Variants in TSNARE1 observed in about 807,000 individuals in gnomAD.
The protein encoded by TSNARE1 is t-SNARE domain-containing protein 1.
In TSNARE1, 49 loss-of-function variants were observed where a neutral mutation model predicts 62.0. The observed-to-expected ratio is 0.79, with a 90% CI of 0.63 to 1.00. The LOEUF is 1.00. Among genes scored for constraint, TSNARE1 ranks in the 50% least tolerant of loss-of-function variants. TSNARE1 has a pLI of 0.00. For synonymous variants in TSNARE1, 328 were observed against 294.4 expected (o/e 1.11, Z -1.17); for missense variants, 755 against 700.1 (o/e 1.08, Z -0.88).
intron 1 of TSNARE1, among the ~76,000 whole-genome samples, chr8:142,385,119 G>C (rs1485010345): frequency 1.3e-5 from 2 of 152,112 alleles, no homozygotes; most frequent in African/African-American, 4.8e-5. Flanking sequence ...GAGGGAGGGA[G>C]GGAGGAAGGC....
At position 142,325,442 on chromosome 8, in the gene TSNARE1, G is replaced by A. The variant is rs559090988; in HGVS notation, c.893+5459C>T. On this transcript the variant is annotated intron_variant, in intron 6 of 13. Transcript: ENST00000524325. ...GCAAGACTAGGGGTGGGGAGGCCAAGAGGAGACAGTGCAGGAGCCCAGGGG... is the reference window on the plus strand; with the variant it reads ...GCAAGACTAGGGGTGGGGAGGCCAAAAGGAGACAGTGCAGGAGCCCAGGGG... 2.5e-4 allele frequency among the ~76,000 whole-genome samples: 38 copies of A among 152,346 alleles called. No individual in the cohort carries two copies. The South Asian group carries it at 6.4e-3, about 26-fold the overall frequency.
At chr8:142,233,867 C>CT (rs1490436967) in intron 12 of TSNARE1, among the ~76,000 whole-genome samples, 53 of 152,298 alleles carry the variant, frequency 3.5e-4, no homozygotes, top group African/African-American at 1.3e-3. Flanking sequence ...AGAGCCTTGG[C>CT]TTCCGCCTGT....
At chr8:142,314,256 G>T in intron 9 of TSNARE1, 128 bp downstream of exon 9, 2 of 786,742 alleles carry the variant, frequency 2.5e-6, no homozygotes, top group Non-Finnish European at 4.1e-6. Flanking sequence ...TCAAGGCTGT[G>T]CCTCAGGGCG....
intron 12 of TSNARE1, among the ~76,000 whole-genome samples, chr8:142,268,134 C>A (rs191072805): frequency 2.0e-5 from 3 of 152,336 alleles, no homozygotes; most frequent in East Asian, 3.9e-4. Flanking sequence ...ATGGCCTCTG[C>A]CCTCCCTGCG....
At chr8:142,305,135 T>C (rs937053456) in intron 9 of TSNARE1, among the ~76,000 whole-genome samples, 2 of 152,120 alleles carry the variant, frequency 1.3e-5, no homozygotes, top group Non-Finnish European at 2.9e-5. Flanking sequence ...GGGCAGCTAA[T>C]GCGGGCGAGT....
In TSNARE1 at chr8:142,391,019, A is replaced by G. The variant is rs1419609189; in HGVS notation, c.-40+12085T>C. On this transcript the variant is annotated intron_variant, in intron 1 of 13. Transcript: ENST00000524325. The stretch of plus-strand genomic sequence containing the variant: ...GCTGTACACTGCGGGGGACTCTGTA[A>G]CAGACGCTGTACACTGCGGGGGACT... 2.0e-3 allele frequency among the ~76,000 whole-genome samples: 292 copies of G among 142,656 alleles called. 6 individuals are homozygous for G. The highest frequency in any genetic ancestry group is 7.0e-3 in the African/African-American group (266 of 37,854). 93.6% of individuals were successfully genotyped at this position (142,656 alleles called of 152,430 possible).
chr8:142,277,599 A>C (rs182588745), intron 11 of TSNARE1: 1 of 985,164 alleles, frequency 1.0e-6, no homozygotes, highest in East Asian at 1.1e-4. Flanking sequence ...CGCCCACAAG[A>C]GGAAGTCTGG....
chr8:142,312,242 A>G (rs1827719519), intron 9 of TSNARE1, among the ~76,000 whole-genome samples: 2 of 152,220 alleles, frequency 1.3e-5, no homozygotes, highest in African/African-American at 2.4e-5. Context: ...TGCTCAACCT[A>G]TAAGCTGAGT....
chr8:142,275,187 C>T (rs956824991), intron 11 of TSNARE1: 2 of 985,280 alleles, frequency 2.0e-6, no homozygotes, highest in African/African-American at 3.5e-5. Flanking sequence ...AAGTCCTGCT[C>T]TGTCATGACC....
intron 13 of TSNARE1, among the ~76,000 whole-genome samples, chr8:142,223,161 C>CTCGTTCAT (rs1563756866): frequency 1.5e-4 from 3 of 19,646 alleles, no homozygotes; most frequent in South Asian, 1.4e-3. Context: ...CACTCATTCA[C>CTCGTTCAT]TCACTCACTC....
intron 13 of TSNARE1, among the ~76,000 whole-genome samples, chr8:142,216,800 T>G (rs945798856): frequency 1.3e-5 from 2 of 152,180 alleles, no homozygotes; most frequent in South Asian, 4.1e-4. Flanking sequence ...TGCCTGGTTG[T>G]TTATCCTCCT....
intron 6 of TSNARE1, among the ~76,000 whole-genome samples, chr8:142,324,303 G>A (rs887827367): frequency 8.5e-5 from 13 of 152,196 alleles, no homozygotes; most frequent in South Asian, 2.1e-4. Context: ...CCAGGCAGGC[G>A]GCTACAGGGT....
chr8:142,317,021 G>A (rs185339440), intron 7 of TSNARE1, among the ~76,000 whole-genome samples: 6 of 152,060 alleles, frequency 3.9e-5, no homozygotes, highest in East Asian at 1.9e-4. Flanking sequence ...TTGGCGTCTC[G>A]CTCACACTGT....
chr8:142,286,206 T>C (rs1355483786), intron 10 of TSNARE1, among the ~76,000 whole-genome samples: 1 of 152,108 alleles, frequency 6.6e-6, no homozygotes, highest in Non-Finnish European at 1.5e-5. Context: ...GCCTGGCACA[T>C]GGCTGGGTTC....
chr8:142,271,416 G>A (rs931522819), intron 12 of TSNARE1: 4 of 1,247,308 alleles, frequency 3.2e-6, no homozygotes, highest in African/African-American at 3.1e-5. Context: ...GAGTCCAGCA[G>A]CTGCTGCTCA....
intron 12 of TSNARE1, chr8:142,270,305 G>A (rs1205320546): frequency 1.2e-5 from 12 of 985,414 alleles, no homozygotes; most frequent in Non-Finnish European, 1.4e-5. Flanking sequence ...CAGGGAGGCT[G>A]AAAGCAGCGG....
In TSNARE1 at chr8:142,319,554, G is replaced by A. The variant is rs1221144626; in HGVS notation, c.894-920C>T. On this transcript the variant is annotated intron_variant, in intron 6 of 13. Coordinates refer to ENST00000524325, the MANE Select transcript of TSNARE1 (RefSeq NM_145003.5). This position sits in a 1 kb window ranked among gnomAD's most constrained non-coding sequence, Gnocchi z 4.9. The stretch of plus-strand genomic sequence containing the variant: ...CTGCAGGCACACACACCAAGTGCAG[G>A]GAGGACCCTGGCCTGCTGGAAACTG... Among the ~76,000 whole-genome samples the A allele has an allele frequency of 6.6e-6, 1 of 152,122 alleles. No homozygotes were observed. Among genetic ancestry groups the A allele is most frequent in the Admixed American group, 6.5e-5 (1 of 15,286 alleles).
chr8:142,239,776 C>T (rs1223025308), intron 12 of TSNARE1, among the ~76,000 whole-genome samples: 1 of 152,172 alleles, frequency 6.6e-6, no homozygotes, highest in Non-Finnish European at 1.5e-5. Context: ...GAGAGAATGT[C>T]GGCTCCTCCT....
chr8:142,316,529 T>A (rs746517346), intron 7 of TSNARE1, among the ~76,000 whole-genome samples: 3 of 151,720 alleles, frequency 2.0e-5, no homozygotes, highest in Non-Finnish European at 4.4e-5. Flanking sequence ...TTAGATCTGA[T>A]AAAATCTACC....
Sources: allele counts gnomAD v4.1 joint callset (sites outside exome capture counted in the v4.1 genomes callset), GRCh38; gene constraint gnomAD v4.1.1; non-coding constraint Gnocchi (gnomAD v3.1); transcripts MANE v1.5; gene names NCBI Gene and HGNC (gene_info 2026-07-23, HGNC 2026-07-21).